The following ZFHX3 variants were observed in gnomAD, a reference collection of about 807,000 sequenced individuals.
The protein encoded by ZFHX3 is zinc finger homeobox protein 3.
Under a neutral mutation model 279.1 loss-of-function variants are expected in ZFHX3, and 42 were observed. That is an observed-to-expected ratio of 0.15 (90% confidence interval 0.12 to 0.19). ZFHX3 has a LOEUF of 0.19. Ranked by LOEUF, ZFHX3 falls within the 10% of genes least tolerant of loss-of-function variation. ZFHX3 has a pLI of 1.00. For missense variants in ZFHX3, 4,981 were observed against 4,754.0 expected (o/e 1.05, Z -1.40); for synonymous variants, 2,293 against 1,957.8 (o/e 1.17, Z -4.52).
intron 8 of ZFHX3, among the ~76,000 whole-genome samples, chr16:73,088,074 C>T (rs777262796): frequency 9.2e-5 from 14 of 151,984 alleles, no homozygotes; most frequent in Non-Finnish European, 1.6e-4. Flanking sequence ...GTGATTCACC[C>T]GCCTTAACCT....
At chr16:72,862,618 T>C (rs1218955954) in intron 4 of ZFHX3, among the ~76,000 whole-genome samples, 3 of 152,148 alleles carry the variant, frequency 2.0e-5, no homozygotes, top group Non-Finnish European at 4.4e-5. Flanking sequence ...TCAGATACAC[T>C]GACTAACACA....
At chr16:73,616,674 C>CAAGA (rs771439231) in intron 2 of ZFHX3, among the ~76,000 whole-genome samples, 3 of 151,770 alleles carry the variant, frequency 2.0e-5, no homozygotes, top group Admixed American at 6.6e-5. Context: ...GTTTACTTCA[C>CAAGA]AAGAAAGAAA....
chr16:73,459,445 C>T (rs1250218727), intron 2 of ZFHX3, among the ~76,000 whole-genome samples: 2 of 152,202 alleles, frequency 1.3e-5, no homozygotes, highest in African/African-American at 4.8e-5. Flanking sequence ...TGACTGCAAC[C>T]TCCACCTCCT....
At chr16:73,425,961 T>C (rs1192592123) in intron 3 of ZFHX3, among the ~76,000 whole-genome samples, 1 of 152,208 alleles carries the variant, frequency 6.6e-6, no homozygotes, top group Non-Finnish European at 1.5e-5. Context: ...ATGCTTCTGC[T>C]TCTCCTCTGT....
intron 2 of ZFHX3, among the ~76,000 whole-genome samples, chr16:73,474,363 G>A (rs561692537): frequency 9.9e-5 from 15 of 152,110 alleles, no homozygotes; most frequent in Non-Finnish European, 1.3e-4. Context: ...TGGCCAGGCC[G>A]GTCTCGAACT....
chr16:73,831,051 A>G (rs757218587), intron 1 of ZFHX3, among the ~76,000 whole-genome samples: 1 of 152,222 alleles, frequency 6.6e-6, no homozygotes, highest in Non-Finnish European at 1.5e-5. Flanking sequence ...TCCCCTTTAG[A>G]CACATTCAAA....
intron 3 of ZFHX3, among the ~76,000 whole-genome samples, chr16:73,410,353 T>G (rs149422134): frequency 0.014 from 2,193 of 152,160 alleles, 55 homozygotes; most frequent in African/African-American, 0.05. Flanking sequence ...GAGGCAGAGG[T>G]TGCAGTGAGC....
intron 3 of ZFHX3, among the ~76,000 whole-genome samples, chr16:72,891,485 A>T (rs1366567802): frequency 6.6e-6 from 1 of 152,170 alleles, no homozygotes; most frequent in Non-Finnish European, 1.5e-5. Context: ...TTTTTGACTA[A>T]CAGAGAATGA....
chr16:73,503,184 A>T (rs977270904), intron 2 of ZFHX3, among the ~76,000 whole-genome samples: 2 of 152,224 alleles, frequency 1.3e-5, no homozygotes, highest in Admixed American at 1.3e-4. Context: ...AGGTGTTTGT[A>T]GCCATGGTGA....
chr16:73,881,667 G>C (rs1280064164), intron 1 of ZFHX3, among the ~76,000 whole-genome samples: 1 of 150,818 alleles, frequency 6.6e-6, no homozygotes, highest in Admixed American at 6.6e-5. Flanking sequence ...CCACTACTTA[G>C]TTGGTGCTAT....
chr16:73,150,679 G>A (rs1195975018), intron 5 of ZFHX3, among the ~76,000 whole-genome samples: 2 of 152,066 alleles, frequency 1.3e-5, no homozygotes, highest in Non-Finnish European at 2.9e-5. Flanking sequence ...AAAAGCCAGG[G>A]GTATCAGAGT....
At chr16:73,283,829 A>G (rs1475048193) in intron 4 of ZFHX3, among the ~76,000 whole-genome samples, 1 of 152,130 alleles carries the variant, frequency 6.6e-6, no homozygotes, top group Non-Finnish European at 1.5e-5. Context: ...CATGGTTGTC[A>G]TCCCAGCTAC....
At position 73,600,697 on chromosome 16, in the gene ZFHX3, G is replaced by A. The variant is rs141239481; in HGVS notation, c.-1547+79483C>T. Among the ~76,000 whole-genome samples, 501 of 152,226 alleles carry A rather than the reference G, an allele frequency of 3.3e-3. 15 individuals carry two copies. Among genetic ancestry groups the A allele is most frequent in the Admixed American group, 0.025 (377 of 15,290 alleles). ...GGCCTCCCAAAGTGCTAGGATTACAGGCGTGAGCCACCATGCCTGGCCATT... is the reference window on the plus strand; with the variant it reads ...GGCCTCCCAAAGTGCTAGGATTACAAGCGTGAGCCACCATGCCTGGCCATT... On this transcript the variant is annotated intron_variant, in intron 2 of 17. Coordinates refer to the ZFHX3 transcript ENST00000641206.
At chr16:73,140,587 G>A (rs575984148) in intron 6 of ZFHX3, among the ~76,000 whole-genome samples, 125 of 152,296 alleles carry the variant, frequency 8.2e-4, no homozygotes, top group African/African-American at 2.8e-3. Flanking sequence ...CGGGCGTGGC[G>A]GCTCACACTT....
At chr16:73,076,771 C>A (rs1356319238) in intron 8 of ZFHX3, among the ~76,000 whole-genome samples, 1 of 152,148 alleles carries the variant, frequency 6.6e-6, no homozygotes, top group African/African-American at 2.4e-5. Flanking sequence ...GAGAACCGAT[C>A]CTGTCAGGAA....
chr16:73,445,302 A>ATGTGTGTG (rs71156166), intron 3 of ZFHX3, among the ~76,000 whole-genome samples: 184 of 149,802 alleles, frequency 1.2e-3, no homozygotes, highest in South Asian at 1.9e-3. Flanking sequence ...ATGTATATGT[A>ATGTGTGTG]TGTGTGTGTG....
rs544494064 is a variant in ZFHX3, at chr16:72,980,980, C to T, written c.-49-20786G>A. Reference sequence around the variant, plus strand: ...TTTTTTTTCCTTAAAAGTTACCATTCGCTATCAGGAACATCTTCTAAAAGA... The same window carrying T: ...TTTTTTTTCCTTAAAAGTTACCATTTGCTATCAGGAACATCTTCTAAAAGA... On this transcript the variant is annotated intron_variant, in intron 1 of 9. Transcript: ENST00000268489. Among the ~76,000 whole-genome samples the T allele has an allele frequency of 4.6e-5, 7 of 152,040 alleles. No homozygotes were observed. The South Asian group carries it at 8.3e-4, about 18-fold the overall frequency.
chr16:73,003,517 C>CCA (rs1245358822), intron 1 of ZFHX3, among the ~76,000 whole-genome samples: 7 of 132,820 alleles, frequency 5.3e-5, no homozygotes, highest in Non-Finnish European at 9.9e-5. Context: ...GTGAGACCCC[C>CCA]CCCTCCCCAC....
intron 1 of ZFHX3, among the ~76,000 whole-genome samples, chr16:73,725,965 C>T (rs2053515164): frequency 6.6e-6 from 1 of 152,210 alleles, no homozygotes; most frequent in Admixed American, 6.5e-5. Flanking sequence ...ATATGGATTC[C>T]TTTCACCATC....
Sources: allele counts gnomAD v4.1 joint callset (sites outside exome capture counted in the v4.1 genomes callset), GRCh38; gene constraint gnomAD v4.1.1; transcripts MANE v1.5; gene names NCBI Gene and HGNC (gene_info 2026-07-23, HGNC 2026-07-21).